The following ATP6V1B2 variants were observed in gnomAD, a reference collection of about 807,000 sequenced individuals.
ATP6V1B2 encodes the protein ATPase H+ transporting V1 subunit B2.
Under a neutral mutation model 66.7 loss-of-function variants are expected in ATP6V1B2, and 23 were observed. The ratio of observed to expected loss-of-function variants is 0.34; its 90% confidence interval spans 0.25 to 0.49. ATP6V1B2 has a LOEUF of 0.49. ATP6V1B2 is among the 20% of genes least tolerant of loss of function. ATP6V1B2 has a pLI of 0.99. For missense variants in ATP6V1B2, 478 were observed against 650.8 expected (o/e 0.73, Z 2.89); for synonymous variants, 278 against 236.7 (o/e 1.17, Z -1.60).
chr8:20,203,104 TGG>T (rs2072702968), intron 1 of ATP6V1B2, among the ~76,000 whole-genome samples: 1 of 152,154 alleles, frequency 6.6e-6, no homozygotes, highest in Admixed American at 6.5e-5. Flanking sequence ...ATGTGGCAAA[TGG>T]GGTCTTTCTA....
chr8:20,211,509 A>C, intron 6 of ATP6V1B2, 143 bp from the exon 7 acceptor site: 1 of 1,280,588 alleles, frequency 7.8e-7, no homozygotes, highest in African/African-American at 1.5e-5. Context: ...TGCAAAAAGT[A>C]CAAAATAGTT....
In ATP6V1B2 at chr8:20,220,965, GT is replaced by G. The variant is rs1474848490; in HGVS notation, c.*567del. On this transcript the variant is annotated 3_prime_UTR_variant, in exon 14 of 14. Transcript: ENST00000276390. ...TATAATGAATAGATGAGTGAAAGGAGTTTTCTTTTTCTCTTTAGTACTTACG... is the reference window on the plus strand; with the variant it reads ...TATAATGAATAGATGAGTGAAAGGAGTTTCTTTTTCTCTTTAGTACTTACG... The G allele has an allele frequency of 1.3e-5, 2 of 152,202 alleles. No homozygotes were observed. The highest frequency in any genetic ancestry group is 3.8e-4 in the East Asian group (2 of 5,200). 9.4% of individuals were successfully genotyped at this position (152,202 alleles called of 1,614,324 possible).
chr8:20,207,588 AAAAAG>A (rs1484120425), intron 2 of ATP6V1B2, among the ~76,000 whole-genome samples: 3 of 151,908 alleles, frequency 2.0e-5, no homozygotes, highest in Admixed American at 1.3e-4. Context: ...AAATAAAATA[AAAAAG>A]AAAAGACCGT....
At chr8:20,220,202 T>G in intron 13 of ATP6V1B2, 61 bp from the exon 14 acceptor site, 1 of 1,552,748 alleles carries the variant, frequency 6.4e-7, no homozygotes, top group Non-Finnish European at 8.7e-7. Flanking sequence ...CAATACATAC[T>G]GGATAACACT....
chr8:20,206,762 TAGC>T (rs1247692562), intron 2 of ATP6V1B2, among the ~76,000 whole-genome samples: 3 of 152,080 alleles, frequency 2.0e-5, no homozygotes, highest in African/African-American at 7.2e-5. Flanking sequence ...GTCAAGTCCT[TAGC>T]AGCGGTGATT....
chr8:20,217,701 T>C (rs1247828285), intron 12 of ATP6V1B2, among the ~76,000 whole-genome samples: 1 of 152,196 alleles, frequency 6.6e-6, no homozygotes, highest in African/African-American at 2.4e-5. Context: ...GTATACAGTT[T>C]TATGTAGGCT....
At position 20,211,332 on chromosome 8, in the gene ATP6V1B2, G is replaced by A. The variant is rs1184467722; in HGVS notation, c.603+16G>A. 9.4e-6 allele frequency: 15 copies of A among 1,603,538 alleles called. No individual in the cohort carries two copies. Among genetic ancestry groups the A allele is most frequent in the East Asian group, 4.5e-5 (2 of 44,708 alleles). On this transcript the variant is annotated intron_variant, in intron 6 of 13. Coordinates refer to ENST00000276390, the MANE Select transcript of ATP6V1B2 (RefSeq NM_001693.4). The stretch of plus-strand genomic sequence containing the variant: ...ACACAATGAGGTGAGGACTGGGATC[G>A]GTTTGCTATGAAGTTTAGCAGACAA...
chr8:20,218,305 A>G, intron 13 of ATP6V1B2, 23 bp downstream of exon 13: 3 of 1,606,672 alleles, frequency 1.9e-6, no homozygotes, highest in African/African-American at 1.3e-5. Context: ...TTGGCTTACA[A>G]ACATAAAAAG....
intron 1 of ATP6V1B2, among the ~76,000 whole-genome samples, chr8:20,199,850 A>T (rs967422776): frequency 6.6e-6 from 1 of 152,068 alleles, no homozygotes. Flanking sequence ...AGCTCAGGCA[A>T]TCCGCCTACC....
intron 10 of ATP6V1B2, 71 bp downstream of exon 10, chr8:20,215,039 G>T (rs1036725451): frequency 2.1e-6 from 3 of 1,450,524 alleles, no homozygotes; most frequent in East Asian, 4.9e-5. Flanking sequence ...CTACCTTTTC[G>T]AGTTGAAGTT....
In ATP6V1B2 at chr8:20,209,423, T is replaced by C. The variant is rs1184039183; in HGVS notation, c.193-10T>C. On this transcript the variant is annotated splice_polypyrimidine_tract_variant and intron_variant, in intron 2 of 13. Coordinates refer to ENST00000276390, the MANE Select transcript of ATP6V1B2 (RefSeq NM_001693.4). ...TGTCGGATATTGATCCTTTATTTTT[T>C]TCTCTTTAGTTTCCCAGGTATGCTG... 4 of 1,612,978 alleles carry C rather than the reference T, an allele frequency of 2.5e-6. No individual in the cohort carries two copies. In the South Asian group the frequency reaches 4.4e-5, roughly 18 times the overall value.
In ATP6V1B2 at chr8:20,199,884, A is replaced by G. The variant is rs985608790; in HGVS notation, c.136+2342A>G. Among the ~76,000 whole-genome samples, 31 of 151,568 alleles carry G rather than the reference A, an allele frequency of 2.0e-4. 2 individuals are homozygous for G. Among genetic ancestry groups the G allele is most frequent in the African/African-American group, 7.0e-4 (29 of 41,196 alleles). On this transcript the variant is annotated intron_variant, in intron 1 of 13. Transcript: ENST00000276390. ...CCTAGGCCTCCCAAAGTGCTGGGATAACAGGCATGAGCCACCACGCCCAGC... is the reference window on the plus strand; with the variant it reads ...CCTAGGCCTCCCAAAGTGCTGGGATGACAGGCATGAGCCACCACGCCCAGC...
chr8:20,212,843 T>C lies in ATP6V1B2; in HGVS notation c.865T>C (p.Cys289Arg), dbSNP rs779131528. 5.0e-6 allele frequency: 8 copies of C among 1,613,856 alleles called. No homozygotes were observed. The highest frequency in any genetic ancestry group is 4.5e-5 in the East Asian group (2 of 44,870). The change falls in exon 9 of 14, where the codon TGT becomes CGT. Residue 289 changes from cysteine to arginine, a missense_variant. Physicochemically the swap from Cys to Arg is radical, Grantham distance 180. Transcript: ENST00000276390. ...CACAGCTGAATTTCTGGCGTACCAA[T>C]GTGAGAAACATGTATTGGTTATTCT... ...LTTAEFLAYQ[C>R]EKHVLVILTD...
chr8:20,208,770 C>T (rs893576436), intron 2 of ATP6V1B2, among the ~76,000 whole-genome samples: 2 of 149,570 alleles, frequency 1.3e-5, no homozygotes, highest in South Asian at 2.1e-4. Context: ...TACAGTGGCA[C>T]GATCTTGGCT....
At chr8:20,208,782 A>G (rs1029251987) in intron 2 of ATP6V1B2, among the ~76,000 whole-genome samples, 2 of 148,854 alleles carry the variant, frequency 1.3e-5, no homozygotes, top group South Asian at 2.1e-4. Context: ...ATCTTGGCTC[A>G]CTGCAACCTC....
chr8:20,210,065 T>A (rs550394050), intron 3 of ATP6V1B2, among the ~76,000 whole-genome samples: 246 of 147,424 alleles, frequency 1.7e-3, no homozygotes, highest in South Asian at 5.7e-3. Flanking sequence ...CTTTAAAAAA[T>A]ATATATATAT....
chr8:20,204,680 T>C, intron 2 of ATP6V1B2, 141 bp downstream of exon 2: 1 of 621,230 alleles, frequency 1.6e-6, no homozygotes, highest in Non-Finnish European at 2.6e-6. Context: ...CCAGATACCA[T>C]GATACCCTGG....
At chr8:20,220,114 C>G in intron 13 of ATP6V1B2, 149 bp from the exon 14 acceptor site, 1 of 763,552 alleles carries the variant, frequency 1.3e-6, no homozygotes, top group South Asian at 2.3e-5. Flanking sequence ...CCTTCTTTTC[C>G]TCAGTCCTTC....
chr8:20,199,525 A>C (rs1159656570), intron 1 of ATP6V1B2, among the ~76,000 whole-genome samples: 2 of 146,058 alleles, frequency 1.4e-5, no homozygotes, highest in Non-Finnish European at 3.0e-5. Context: ...ATATCTTCTT[A>C]TTTTGCCATA....
Sources: gnomAD v4.1 joint callset for allele counts (sites outside exome capture counted in the v4.1 genomes callset) on GRCh38, gnomAD v4.1.1 for gene constraint, MANE v1.5 for transcripts, NCBI Gene and HGNC (gene_info 2026-07-23, HGNC 2026-07-21) for gene names.